MYO1E: variants seen among roughly 807,000 people sequenced by gnomAD.
MYO1E encodes unconventional myosin-Ie.
MYO1E carries 68 observed loss-of-function variants against 151.1 expected under a neutral mutation model. The observed-to-expected ratio is 0.45, with a 90% CI of 0.37 to 0.55. The LOEUF (loss-of-function observed/expected upper bound fraction) is 0.55, where lower values mean the gene tolerates loss of function less well. MYO1E is among the 20% of genes least tolerant of loss of function. The pLI is 0.00. For missense variants in MYO1E, 1,363 were observed against 1,389.3 expected (o/e 0.98, Z 0.30); for synonymous variants, 601 against 501.7 (o/e 1.20, Z -2.64).
rs375693238 is a variant in MYO1E at position 59,332,708 on chromosome 15, C to T, written c.3+39790G>A. Among the ~76,000 whole-genome samples the T allele has an allele frequency of 1.4e-4, 22 of 152,124 alleles. 1 individual carries two copies. In the East Asian group the frequency reaches 2.3e-3, roughly 16 times the overall value. ...AGAGTTCAGGAATTGACTTTGCTGG[C>T]GCTCTATTTTTTTTTTTAATTTAAT... On this transcript the variant is annotated intron_variant, in intron 1 of 27. Transcript: ENST00000288235.
chr15:59,173,950 A>T, intron 20 of MYO1E, 35 bp from the exon 21 acceptor site: 2 of 1,608,762 alleles, frequency 1.2e-6, no homozygotes, highest in Non-Finnish European at 8.5e-7. Context: ...TGGAAGAAGG[A>T]TAAGTCAGTC....
intron 1 of MYO1E, among the ~76,000 whole-genome samples, chr15:59,345,499 G>T (rs2080789332): frequency 6.6e-6 from 1 of 152,126 alleles, no homozygotes. Flanking sequence ...TTAGAAATAG[G>T]GGTCTTACTA....
chr15:59,240,064 G>A (rs188891857), intron 4 of MYO1E, among the ~76,000 whole-genome samples: 1 of 152,276 alleles, frequency 6.6e-6, no homozygotes, highest in Admixed American at 6.5e-5. Context: ...CAGGCAGCCC[G>A]TCCTAATTTA....
chr15:59,364,623 T>C (rs1294337189), intron 1 of MYO1E, among the ~76,000 whole-genome samples: 1 of 152,186 alleles, frequency 6.6e-6, no homozygotes, highest in Non-Finnish European at 1.5e-5. Flanking sequence ...AACAATGTGT[T>C]TGAGGCCCGG....
At chr15:59,188,294 C>T in intron 17 of MYO1E, 78 bp from the exon 18 acceptor site, 1 of 1,105,596 alleles carries the variant, frequency 9.0e-7, no homozygotes, top group Non-Finnish European at 1.4e-6. Context: ...AACCCCCAAG[C>T]CCCCAGTTCC....
At chr15:59,169,648 A>C (rs2079580705) in intron 22 of MYO1E, among the ~76,000 whole-genome samples, 1 of 152,242 alleles carries the variant, frequency 6.6e-6, no homozygotes, top group Admixed American at 6.5e-5. Flanking sequence ...GACCGCAAGA[A>C]AGGAACCTTC....
chr15:59,179,587 T>G (rs570119076), intron 18 of MYO1E, among the ~76,000 whole-genome samples: 1 of 152,276 alleles, frequency 6.6e-6, no homozygotes. Flanking sequence ...ATCAGGTTGG[T>G]TTTCCATTTT....
chr15:59,208,369 T>G, intron 14 of MYO1E: 1 of 557,368 alleles, frequency 1.8e-6, no homozygotes, highest in Non-Finnish European at 3.2e-6. Flanking sequence ...GATGTAGGTA[T>G]TTATTGTGTT....
chr15:59,150,738 C>G (rs1202420206), intron 26 of MYO1E, among the ~76,000 whole-genome samples: 1 of 152,102 alleles, frequency 6.6e-6, no homozygotes, highest in African/African-American at 2.4e-5. Context: ...ACTACAGGTG[C>G]CTTCAGACCA....
At chr15:59,151,031 ACACACACACACACACACACGCGCG>A (rs1202985302) in intron 26 of MYO1E, among the ~76,000 whole-genome samples, 5 of 133,294 alleles carry the variant, frequency 3.8e-5, no homozygotes, top group African/African-American at 1.6e-4. Flanking sequence ...ACACACACAC[ACACACACACACACACACACGCGCG>A]CGCGCGCACG....
chr15:59,171,239 T>C (rs1240890962), intron 22 of MYO1E: 2 of 157,346 alleles, frequency 1.3e-5, no homozygotes, highest in African/African-American at 4.8e-5. Context: ...AGACCTCCTA[T>C]GCTAAGAACC....
chr15:59,213,554 G>C (rs975753266), intron 12 of MYO1E, among the ~76,000 whole-genome samples: 3 of 152,008 alleles, frequency 2.0e-5, no homozygotes, highest in Admixed American at 1.3e-4. Context: ...GACCTCCTGG[G>C]CTCAAGCAAT....
In MYO1E at chr15:59,217,926, C is replaced by T; in HGVS notation, c.1072G>A (p.Ala358Thr). Residue 358 changes from alanine to threonine, a missense_variant, in exon 10 of 28, where the codon GCC becomes ACC. Physicochemically the swap from Ala to Thr is moderately conservative, Grantham distance 58 (BLOSUM62 0). Transcript: ENST00000288235. ...ACYTRDALAK[A>T]LHARVFDFLV... is the part of the protein sequence containing the mutation. The stretch of plus-strand genomic sequence containing the variant: ...AAATCAAAGACCCGGGCGTGCAGGG[C>T]CTTGGCGAGCGCATCCCGGGTGTAA... 1 of 1,614,168 alleles carries T rather than the reference C, an allele frequency of 6.2e-7. No homozygotes were observed. The highest frequency in any genetic ancestry group is 8.5e-7 in the Non-Finnish European group (1 of 1,180,032).
chr15:59,252,256 T>C (rs937912235), intron 4 of MYO1E, among the ~76,000 whole-genome samples: 40 of 152,178 alleles, frequency 2.6e-4, no homozygotes, highest in Admixed American at 1.3e-4. Context: ...GTGTCTAGTT[T>C]AGTGGTCTCT....
rs113071543 is a variant in MYO1E, at chr15:59,201,460, A to G, written c.1698+866T>C. Among the ~76,000 whole-genome samples, 768 of 150,370 alleles carry G rather than the reference A, an allele frequency of 5.1e-3. 7 individuals carry two copies. The highest frequency in any genetic ancestry group is 0.018 in the African/African-American group (717 of 40,614). On this transcript the variant is annotated intron_variant, in intron 16 of 27. Coordinates refer to ENST00000288235, the MANE Select transcript of MYO1E (RefSeq NM_004998.4). ...ACTCTTGTTGCCGAGGCTGGAGTGC[A>G]ATCGCGCAATCTTGGCTCACTGCAA...
chr15:59,345,883 GACA>G (rs1213606361), intron 1 of MYO1E, among the ~76,000 whole-genome samples: 1 of 152,200 alleles, frequency 6.6e-6, no homozygotes, highest in Non-Finnish European at 1.5e-5. Context: ...TTAAAGCTGT[GACA>G]ACAATTCTGG....
At position 59,136,956 on chromosome 15, in the gene MYO1E, G is replaced by C. The variant is rs2079376944; in HGVS notation, c.*424C>G. 2 of 358,248 alleles carry C rather than the reference G, an allele frequency of 5.6e-6. No homozygotes were observed. The highest frequency in any genetic ancestry group is 5.5e-6 in the Non-Finnish European group (1 of 180,948). 22.2% of individuals were successfully genotyped at this position (358,248 alleles called of 1,614,324 possible). A position where few individuals can be genotyped will look rare whatever the true frequency, so the allele number is the denominator to read the frequency against. On this transcript the variant is annotated 3_prime_UTR_variant, in exon 28 of 28. Transcript: ENST00000288235. ...GTGGCAGAGAGGAATGTGTCTATCA[G>C]GTATGGACAAGAGAGATGAAAGAAA...
At chr15:59,236,722 C>T (rs747257236) in intron 4 of MYO1E, 50 bp from the exon 5 acceptor site, 4 of 1,457,392 alleles carry the variant, frequency 2.7e-6, no homozygotes, top group Admixed American at 3.3e-5. Flanking sequence ...TTGCGACCAG[C>T]TCCCTTCCTT....
Position 59,217,994 on chromosome 15 carries a change from T to G in MYO1E, c.1004A>C (p.Lys335Thr). 6.2e-7 allele frequency: 1 copy of G among 1,614,240 alleles called. No individual in the cohort carries two copies. The highest frequency in any genetic ancestry group is 8.5e-7 in the Non-Finnish European group (1 of 1,180,034). ...GAGGGTCACGTGGATGGATTCGGATTTGCCTCCCCACTTGCTATCCATCTG... is the reference window on the plus strand; with the variant it reads ...GAGGGTCACGTGGATGGATTCGGATGTGCCTCCCCACTTGCTATCCATCTG... ...SRQMDSKWGG[K>T]SESIHVTLNV... The change falls in exon 10 of 28, where the codon AAA becomes ACA. Residue 335 changes from lysine (K) to threonine (T), a missense_variant. By Grantham distance (78) the Lys-to-Thr change is moderately conservative. Coordinates refer to ENST00000288235, the MANE Select transcript of MYO1E (RefSeq NM_004998.4).
Sources: gnomAD v4.1 joint callset for allele counts (sites outside exome capture counted in the v4.1 genomes callset) on GRCh38, gnomAD v4.1.1 for gene constraint, MANE v1.5 for transcripts, NCBI Gene and HGNC (gene_info 2026-07-23, HGNC 2026-07-21) for gene names.